VWF: variants seen among roughly 807,000 people sequenced by gnomAD.
VWF encodes the protein Factor VIII related antigen.
In VWF, 176 loss-of-function variants were observed where a neutral mutation model predicts 308.6. The observed-to-expected ratio is 0.57, with a 90% CI of 0.50 to 0.65. The LOEUF (loss-of-function observed/expected upper bound fraction) is 0.65, where lower values mean the gene tolerates loss of function less well. Among genes scored for constraint, VWF ranks in the 30% least tolerant of loss-of-function variants. VWF has a pLI of 0.00. For missense variants in VWF, 3,146 were observed against 3,648.2 expected (o/e 0.86, Z 3.55); for synonymous variants, 1,385 against 1,443.4 (o/e 0.96, Z 0.92).
At chr12:6,086,762 T>A (rs185610117) in intron 6 of VWF, among the ~76,000 whole-genome samples, 73 of 152,310 alleles carry the variant, frequency 4.8e-4, no homozygotes, top group Middle Eastern at 3.4e-3. Context: ...GGCTGGTAGG[T>A]CCTTTGCAAA....
At chr12:6,022,337 C>T (rs1019048492) in intron 26 of VWF, among the ~76,000 whole-genome samples, 1 of 152,150 alleles carries the variant, frequency 6.6e-6, no homozygotes, top group African/African-American at 2.4e-5. Flanking sequence ...CCTTCAGTAA[C>T]TCTAGAGCTG....
intron 28 of VWF, 53 bp downstream of exon 28, chr12:6,018,312 G>A: frequency 6.4e-7 from 1 of 1,571,390 alleles, no homozygotes; most frequent in Non-Finnish European, 8.6e-7. Flanking sequence ...TAGCACCAAG[G>A]CCATGCCAGC....
rs1454932551 is a variant in VWF at position 6,057,056 on chromosome 12, C to T, written c.1746G>A (p.Glu582=). 2 of 1,542,464 alleles carry T rather than the reference C, an allele frequency of 1.3e-6. No homozygotes were observed. Among genetic ancestry groups the T allele is most frequent in the Non-Finnish European group, 1.7e-6 (2 of 1,150,188 alleles). ...LNPRMTRFSE[E]ACAVLTSPTF... is the part of the protein sequence containing the mutation. ...TGGGGGACGTCAGGACCGCGCACGC[C>T]TCCTCGGAGAACCTGGCTGTGGGGC... Residue 582 remains glutamate (E), a synonymous_variant, in exon 15 of 52, where the codon GAG becomes GAA. Transcript: ENST00000261405.
intron 34 of VWF, among the ~76,000 whole-genome samples, chr12:5,996,582 G>A (rs1045786767): frequency 4.6e-5 from 7 of 152,010 alleles, no homozygotes; most frequent in Admixed American, 2.6e-4. Context: ...GTTATGACTC[G>A]TGGAAATTAA....
chr12:6,061,471 GA>G (rs10559016), intron 13 of VWF, among the ~76,000 whole-genome samples: 4,413 of 121,250 alleles, frequency 0.036, 90 homozygotes, highest in African/African-American at 0.07. Context: ...TTCATAAAAG[GA>G]AAAAAAAAAA....
chr12:5,989,340 T>C (rs1943712240), intron 38 of VWF, among the ~76,000 whole-genome samples: 1 of 152,254 alleles, frequency 6.6e-6, no homozygotes, highest in Admixed American at 6.5e-5. Flanking sequence ...TAAAAGGTTT[T>C]CTGGGCTTTA....
intron 31 of VWF, 45 bp downstream of exon 31, chr12:6,016,044 G>C: frequency 2.5e-6 from 4 of 1,613,034 alleles, no homozygotes; most frequent in Non-Finnish European, 3.4e-6. Flanking sequence ...TATCATTTCT[G>C]AAGTCTCGCT....
chr12:6,061,987 A>G (rs906499100), intron 13 of VWF, among the ~76,000 whole-genome samples: 2 of 152,182 alleles, frequency 1.3e-5, no homozygotes, highest in Non-Finnish European at 2.9e-5. Context: ...GTTCTGGCAA[A>G]CAGTTACTTT....
At chr12:6,097,754 A>G (rs998569355) in intron 5 of VWF, among the ~76,000 whole-genome samples, 2 of 152,244 alleles carry the variant, frequency 1.3e-5, no homozygotes, top group African/African-American at 2.4e-5. Flanking sequence ...AAACTGATAC[A>G]TGGGAGAAGC....
At chr12:6,120,891 G>C (rs1357992810) in intron 3 of VWF, among the ~76,000 whole-genome samples, 1 of 152,142 alleles carries the variant, frequency 6.6e-6, no homozygotes, top group East Asian at 1.9e-4. Context: ...CATTTGCCTT[G>C]ATGCTGTGGA....
Position 5,949,199 on chromosome 12 carries a change from T to A in VWF, c.8258A>T (p.Lys2753Ile), listed in dbSNP as rs764927154. 1 of 1,613,880 alleles carries A rather than the reference T, an allele frequency of 6.2e-7. No homozygotes were observed. The highest frequency in any genetic ancestry group is 8.5e-7 in the Non-Finnish European group (1 of 1,180,014). The change falls in exon 52 of 52, where the codon AAA becomes ATA. Residue 2753 changes from lysine (K) to isoleucine (I), a missense_variant. By Grantham distance (102) the Lys-to-Ile change is moderately radical. Transcript: ENST00000261405. ...VEVDIHYCQGKCASKAMYSID... is the reference protein window; with the variant it reads ...VEVDIHYCQGICASKAMYSID... ...GGAGTACATGGCTTTGCTGGCACAT[T>A]TGCCCTGCAAGAAAGCAGAGGAAGA...
chr12:6,076,900 C>T lies in VWF; in HGVS notation c.658-1349G>A, dbSNP rs111622723. ...CCTGACCCCATCTGCTCACCGTTCT[C>T]GAAATCCAGTCCGGCAGCACAGGGA... On this transcript the variant is annotated intron_variant, in intron 6 of 51. Transcript: ENST00000261405. Among the ~76,000 whole-genome samples the T allele has an allele frequency of 7.5e-3, 1,149 of 152,302 alleles. 6 individuals carry two copies. Among genetic ancestry groups the T allele is most frequent in the Non-Finnish European group, 0.013 (885 of 68,022 alleles).
chr12:6,073,751 A>G lies in VWF; in HGVS notation c.875-10T>C. The G allele has an allele frequency of 6.2e-7, 1 of 1,613,784 alleles. No homozygotes were observed. The highest frequency in any genetic ancestry group is 8.5e-7 in the Non-Finnish European group (1 of 1,179,952). Reference sequence around the variant, plus strand: ...GCAGGGCACACTGGGCCTGAAAAGGAACATCAAAGGGGTCTACCCAGGGCA... The same window carrying G: ...GCAGGGCACACTGGGCCTGAAAAGGGACATCAAAGGGGTCTACCCAGGGCA... On this transcript the variant is annotated splice_polypyrimidine_tract_variant and intron_variant, in intron 7 of 51. Transcript: ENST00000261405.
At chr12:5,979,020 T>G (rs1333241313) in intron 42 of VWF, among the ~76,000 whole-genome samples, 1 of 152,116 alleles carries the variant, frequency 6.6e-6, no homozygotes, top group Non-Finnish European at 1.5e-5. Context: ...GGAGGACAAC[T>G]TGAATATCAA....
intron 34 of VWF, among the ~76,000 whole-genome samples, chr12:6,009,651 G>C (rs1943969547): frequency 6.6e-6 from 1 of 152,084 alleles, no homozygotes; most frequent in Admixed American, 6.5e-5. Context: ...TTGAAATCAG[G>C]ATCTCAAAAA....
At chr12:5,972,230 A>T (rs1396855411) in intron 43 of VWF, among the ~76,000 whole-genome samples, 1 of 152,188 alleles carries the variant, frequency 6.6e-6, no homozygotes, top group Non-Finnish European at 1.5e-5. Context: ...GGTGTTCTTT[A>T]CAAAAGAAAA....
At chr12:6,002,205 G>A (rs1943879044) in intron 34 of VWF, among the ~76,000 whole-genome samples, 1 of 151,420 alleles carries the variant, frequency 6.6e-6, no homozygotes, top group Non-Finnish European at 1.5e-5. Context: ...GAAAATTCAA[G>A]GAAAGAAGTC....
intron 18 of VWF, 129 bp downstream of exon 18, chr12:6,044,162 A>G: frequency 8.1e-7 from 1 of 1,233,530 alleles, no homozygotes; most frequent in Admixed American, 2.3e-5. Flanking sequence ...CCCCATTACC[A>G]GCACCACCTC....
intron 5 of VWF, among the ~76,000 whole-genome samples, chr12:6,102,808 G>GC (rs34386173): frequency 0.011 from 1,694 of 152,074 alleles, 7 homozygotes; most frequent in Non-Finnish European, 0.019. Flanking sequence ...TGACCATACT[G>GC]CCCAAAGCAA....
Sources: allele counts gnomAD v4.1 joint callset (sites outside exome capture counted in the v4.1 genomes callset), GRCh38; gene constraint gnomAD v4.1.1; transcripts MANE v1.5; gene names NCBI Gene and HGNC (gene_info 2026-07-23, HGNC 2026-07-21).